The following FLRT2 variants were observed in gnomAD, a reference collection of about 807,000 sequenced individuals.
FLRT2 encodes leucine-rich repeat transmembrane protein FLRT2.
A neutral mutation model predicts 40.0 loss-of-function variants in FLRT2; 15 were observed. The ratio of observed to expected loss-of-function variants is 0.38; its 90% confidence interval spans 0.25 to 0.58. The LOEUF (loss-of-function observed/expected upper bound fraction) is 0.58. FLRT2 is among the 20% of genes least tolerant of loss of function. FLRT2 has a pLI of 0.71. For synonymous variants in FLRT2, 380 were observed against 336.8 expected (o/e 1.13, Z -1.41); for missense variants, 726 against 840.0 (o/e 0.86, Z 1.68).
chr14:85,580,426 A>C (rs1341459210), intron 1 of FLRT2, among the ~76,000 whole-genome samples: 1 of 152,172 alleles, frequency 6.6e-6, no homozygotes, highest in Non-Finnish European at 1.5e-5. Flanking sequence ...GTTTGTGTTC[A>C]TATATGTGCG....
At chr14:85,533,771 C>T (rs1335650242) in intron 1 of FLRT2, among the ~76,000 whole-genome samples, 1 of 151,602 alleles carries the variant, frequency 6.6e-6, no homozygotes, top group East Asian at 1.9e-4. Context: ...GAGCTGGGCG[C>T]CCCGGCCCCG....
chr14:85,586,612 G>A (rs959592504), intron 1 of FLRT2, among the ~76,000 whole-genome samples: 1 of 151,988 alleles, frequency 6.6e-6, no homozygotes, highest in African/African-American at 2.4e-5. Flanking sequence ...TCATATTTAT[G>A]TGCCAATTCT....
At chr14:85,566,705 A>C (rs926555102) in intron 1 of FLRT2, among the ~76,000 whole-genome samples, 1 of 151,636 alleles carries the variant, frequency 6.6e-6, no homozygotes, top group Admixed American at 6.6e-5. Context: ...GCCTGGTTGC[A>C]GGGGAAGAAA....
chr14:85,533,753 A>G (rs1173593184), intron 1 of FLRT2, among the ~76,000 whole-genome samples: 1 of 151,704 alleles, frequency 6.6e-6, no homozygotes, highest in Non-Finnish European at 1.5e-5. Context: ...GGCGAGAGCA[A>G]GCGAGGCGAG....
At chr14:85,613,988 C>T (rs754347850) in intron 1 of FLRT2, among the ~76,000 whole-genome samples, 8 of 152,162 alleles carry the variant, frequency 5.3e-5, no homozygotes, top group South Asian at 2.1e-4. Flanking sequence ...AAATGCTCCC[C>T]GGCACAGGAG....
intron 1 of FLRT2, among the ~76,000 whole-genome samples, chr14:85,557,725 G>T (rs1890056758): frequency 1.3e-5 from 2 of 152,172 alleles, no homozygotes; most frequent in South Asian, 2.1e-4. Context: ...GCTGAGACAG[G>T]AGAATTGCTT....
rs1461124023 is a variant in FLRT2 at position 85,645,712 on chromosome 14, C to G, written c.*22215C>G. 2.6e-5 allele frequency: 4 copies of G among 152,148 alleles called. No individual in the cohort carries two copies. The highest frequency in any genetic ancestry group is 5.9e-5 in the Non-Finnish European group (4 of 68,040). 9.4% of individuals were successfully genotyped at this position (152,148 alleles called of 1,614,324 possible). On this transcript the variant is annotated 3_prime_UTR_variant, in exon 2 of 2. Coordinates refer to ENST00000330753, the MANE Select transcript of FLRT2 (RefSeq NM_013231.6). ...TCAGAGATTCAGTAGATAAGGTGAT[C>G]TATTATATGGATGTCAAGCTGTCCT...
Position 85,628,844 on chromosome 14 carries a change from C to G in FLRT2, c.*5347C>G, listed in dbSNP as rs1893798358. 1 of 152,282 alleles carries G rather than the reference C, an allele frequency of 6.6e-6. No homozygotes were observed. Among genetic ancestry groups the G allele is most frequent in the South Asian group, 2.1e-4 (1 of 4,824 alleles). The allele number at this position is 152,282 out of a possible 1,614,324, so 9.4% of individuals were successfully genotyped here. On this transcript the variant is annotated 3_prime_UTR_variant, in exon 2 of 2. Transcript: ENST00000330753. ...CAAGAGTTACAGACCTTATTCTATA[C>G]AGACTAAACCATTAGTCAAAAAATA...
intron 1 of FLRT2, among the ~76,000 whole-genome samples, chr14:85,605,978 T>G (rs1020682941): frequency 6.6e-6 from 1 of 152,168 alleles, no homozygotes; most frequent in Non-Finnish European, 1.5e-5. Context: ...AAGATTCTCT[T>G]TTCCCTACTT....
intron 1 of FLRT2, among the ~76,000 whole-genome samples, chr14:85,567,366 A>T (rs570224519): frequency 6.6e-6 from 1 of 152,168 alleles, no homozygotes; most frequent in East Asian, 1.9e-4. Context: ...TTTCTAGAAA[A>T]GCATACACTC....
intron 1 of FLRT2, among the ~76,000 whole-genome samples, chr14:85,577,410 G>T (rs1891163792): frequency 6.6e-6 from 1 of 152,108 alleles, no homozygotes; most frequent in Non-Finnish European, 1.5e-5. Flanking sequence ...ATGAAGAGGA[G>T]AATTCTAGTC....
chr14:85,618,106 T>C (rs1471655260), intron 1 of FLRT2, among the ~76,000 whole-genome samples: 2 of 152,212 alleles, frequency 1.3e-5, no homozygotes, highest in African/African-American at 4.8e-5. Context: ...TGCATAATAA[T>C]AGTTTCTAGG....
rs985547559 is a variant in FLRT2, at chr14:85,630,023, G to C, written c.*6526G>C. On this transcript the variant is annotated 3_prime_UTR_variant, in exon 2 of 2. Transcript: ENST00000330753. ...TTAGGAATGAATTTGTTTCGTACTTGAGATGTTGCTCTAAGTATTTTGTAG... is the reference window on the plus strand; with the variant it reads ...TTAGGAATGAATTTGTTTCGTACTTCAGATGTTGCTCTAAGTATTTTGTAG... 2 of 152,184 alleles carry C rather than the reference G, an allele frequency of 1.3e-5. No homozygotes were observed. Among genetic ancestry groups the C allele is most frequent in the African/African-American group, 4.8e-5 (2 of 41,454 alleles). The allele number at this position is 152,184 out of a possible 1,614,324, so 9.4% of individuals were successfully genotyped here.
At chr14:85,578,703 C>T (rs757533542) in intron 1 of FLRT2, among the ~76,000 whole-genome samples, 3 of 152,144 alleles carry the variant, frequency 2.0e-5, no homozygotes, top group Non-Finnish European at 4.4e-5. Flanking sequence ...CGCATATTTA[C>T]TTTACGTACC....
intron 1 of FLRT2, among the ~76,000 whole-genome samples, chr14:85,604,421 C>T (rs934870327): frequency 5.3e-5 from 8 of 152,028 alleles, no homozygotes; most frequent in African/African-American, 1.4e-4. Context: ...ACTAAGCACT[C>T]GAATCATATC....
intron 1 of FLRT2, among the ~76,000 whole-genome samples, chr14:85,587,395 G>C (rs1891671611): frequency 6.6e-6 from 1 of 151,800 alleles, no homozygotes; most frequent in African/African-American, 2.4e-5. Flanking sequence ...CTACGCAAAA[G>C]CTACTTCAGC....
chr14:85,549,332 C>T (rs532417034), intron 1 of FLRT2, among the ~76,000 whole-genome samples: 5 of 152,154 alleles, frequency 3.3e-5, no homozygotes, highest in Non-Finnish European at 7.3e-5. Context: ...TAGATGCTGC[C>T]ATGGGCCTGC....
In FLRT2 at chr14:85,652,989, C is replaced by T. The variant is rs1894471042; in HGVS notation, c.*29492C>T. On this transcript the variant is annotated 3_prime_UTR_variant, in exon 2 of 2. Transcript: ENST00000330753. ...TTCTGTGAGTGGAAGTTGCCTTTAA[C>T]CACATGAGAACAAATAAGGGAATAT... The T allele has an allele frequency of 6.6e-6, 1 of 152,058 alleles. No individual in the cohort carries two copies. Among genetic ancestry groups the T allele is most frequent in the South Asian group, 2.1e-4 (1 of 4,834 alleles). The allele number at this position is 152,058 out of a possible 1,614,324, so 9.4% of individuals were successfully genotyped here.
At chr14:85,573,622 G>T (rs1398686445) in intron 1 of FLRT2, among the ~76,000 whole-genome samples, 1 of 152,164 alleles carries the variant, frequency 6.6e-6, no homozygotes, top group Non-Finnish European at 1.5e-5. Context: ...GACACAGGAT[G>T]TGAGGAGGAA....
Sources: gnomAD v4.1 joint callset for allele counts (sites outside exome capture counted in the v4.1 genomes callset) on GRCh38, gnomAD v4.1.1 for gene constraint, MANE v1.5 for transcripts, NCBI Gene and HGNC (gene_info 2026-07-23, HGNC 2026-07-21) for gene names.